The following SOX6 variants were observed in gnomAD, a reference collection of about 807,000 sequenced individuals.
The protein encoded by SOX6 is SRY-box transcription factor 6.
In SOX6, 11 loss-of-function variants were observed where a neutral mutation model predicts 97.8. The observed-to-expected ratio is 0.11, with a 90% CI of 0.07 to 0.19. The LOEUF is 0.19. Among genes scored for constraint, SOX6 ranks in the 10% least tolerant of loss-of-function variants. The pLI, the probability that SOX6 is intolerant of heterozygous loss-of-function variation, is 1.00. For synonymous variants in SOX6, 360 were observed against 371.4 expected (o/e 0.97, Z 0.35); for missense variants, 810 against 1,039.5 (o/e 0.78, Z 3.04).
intron 1 of SOX6, among the ~76,000 whole-genome samples, chr11:16,423,714 G>A (rs184298673): frequency 2.0e-5 from 3 of 152,080 alleles, no homozygotes; most frequent in African/African-American, 7.2e-5. Context: ...TAAAAATATA[G>A]AGTTAAACAG....
At chr11:16,111,517 AG>A (rs1191145161) in intron 7 of SOX6, among the ~76,000 whole-genome samples, 1 of 152,222 alleles carries the variant, frequency 6.6e-6, no homozygotes, top group Non-Finnish European at 1.5e-5. Context: ...TCACAGTAAA[AG>A]TATGAGAGAG....
intron 12 of SOX6, among the ~76,000 whole-genome samples, chr11:16,023,725 A>G (rs1192921209): frequency 1.3e-5 from 2 of 152,178 alleles, no homozygotes; most frequent in Non-Finnish European, 1.5e-5. Context: ...TTAATTAAAA[A>G]GGCCAATCTC....
chr11:16,391,676 AT>A (rs1403716141), intron 1 of SOX6, among the ~76,000 whole-genome samples: 2 of 152,172 alleles, frequency 1.3e-5, no homozygotes, highest in African/African-American at 4.8e-5. Context: ...AGCAATACAA[AT>A]AACATATAAG....
chr11:16,006,464 A>C (rs12577378), intron 13 of SOX6, among the ~76,000 whole-genome samples: 11,319 of 152,086 alleles, frequency 0.074, 871 homozygotes, highest in East Asian at 0.36. Context: ...GGCTTAGTGG[A>C]GAAGACAAAG....
chr11:16,723,129 G>A (rs1848279112), intron 2 of SOX6, among the ~76,000 whole-genome samples: 1 of 152,098 alleles, frequency 6.6e-6, no homozygotes, highest in African/African-American at 2.4e-5. Flanking sequence ...TATACACCAT[G>A]GAATACTATG....
intron 6 of SOX6, among the ~76,000 whole-genome samples, chr11:16,160,734 T>C (rs1279307369): frequency 6.6e-6 from 1 of 152,194 alleles, no homozygotes; most frequent in Admixed American, 6.5e-5. Flanking sequence ...CTTCTAAATT[T>C]TTCTTCTTTC....
At chr11:16,736,125 T>C (rs1848389624) in intron 2 of SOX6, among the ~76,000 whole-genome samples, 3 of 152,190 alleles carry the variant, frequency 2.0e-5, no homozygotes, top group Admixed American at 6.5e-5. Context: ...ATTTCATCCT[T>C]CCTATATTAA....
At chr11:16,163,530 C>G (rs912488318) in intron 6 of SOX6, among the ~76,000 whole-genome samples, 1 of 152,220 alleles carries the variant, frequency 6.6e-6, no homozygotes, top group Admixed American at 6.5e-5. Flanking sequence ...ACCAGGCTTT[C>G]TCAGCCAATA....
intron 1 of SOX6, among the ~76,000 whole-genome samples, chr11:16,396,901 C>A (rs1296196038): frequency 2.0e-5 from 3 of 151,394 alleles, no homozygotes; most frequent in Non-Finnish European, 1.5e-5. Context: ...TTGCAATTCA[C>A]AAATACCATA....
intron 4 of SOX6, among the ~76,000 whole-genome samples, chr11:16,571,101 T>C (rs1847933580): frequency 6.6e-6 from 1 of 152,202 alleles, no homozygotes; most frequent in Admixed American, 6.5e-5. Flanking sequence ...TTAGAATATT[T>C]TTCATACTTG....
chr11:16,638,477 C>T (rs1262596916), intron 3 of SOX6, among the ~76,000 whole-genome samples: 1 of 152,076 alleles, frequency 6.6e-6, no homozygotes, highest in African/African-American at 2.4e-5. Context: ...AGTTCTAGAT[C>T]CCTGAGGAAT....
chr11:15,974,350 T>A (rs1227984770), intron 15 of SOX6, among the ~76,000 whole-genome samples: 1 of 146,974 alleles, frequency 6.8e-6, no homozygotes, highest in East Asian at 2.5e-4. Context: ...CTGCCATTCT[T>A]TTTTTTGTTT....
intron 4 of SOX6, among the ~76,000 whole-genome samples, chr11:16,600,403 A>G (rs1418589507): frequency 6.6e-6 from 1 of 152,210 alleles, no homozygotes; most frequent in Non-Finnish European, 1.5e-5. Flanking sequence ...GGATATTTTG[A>G]GCAAAGATAT....
intron 1 of SOX6, among the ~76,000 whole-genome samples, chr11:16,415,989 G>A (rs1204495428): frequency 6.6e-6 from 1 of 152,098 alleles, no homozygotes; most frequent in Non-Finnish European, 1.5e-5. Flanking sequence ...ACAAGGGATT[G>A]GTCCCAATAT....
At chr11:16,592,056 T>G (rs1406720549) in intron 4 of SOX6, among the ~76,000 whole-genome samples, 1 of 152,082 alleles carries the variant, frequency 6.6e-6, no homozygotes, top group Non-Finnish European at 1.5e-5. Flanking sequence ...TCTCTTTCTT[T>G]TCTATATCTA....
Position 16,680,658 on chromosome 11 carries a change from A to C in SOX6, n.429+34172T>G, listed in dbSNP as rs548591260. Among the ~76,000 whole-genome samples, 31 of 152,344 alleles carry C rather than the reference A, an allele frequency of 2.0e-4. No individual in the cohort carries two copies. The South Asian group carries it at 6.2e-3, about 31-fold the overall frequency. ...TAAATGCCCCAAATAAAAGACACAG[A>C]CTGGCAAATTGGATAAAGAGTCAAG... On this transcript the variant is annotated intron_variant and non_coding_transcript_variant, in intron 3 of 5. Transcript: ENST00000524520.
chr11:16,430,585 C>T (rs1503452), intron 1 of SOX6, among the ~76,000 whole-genome samples: 47,421 of 152,038 alleles, frequency 0.31, 8,351 homozygotes, highest in Non-Finnish European at 0.4. Flanking sequence ...CCCTTTCCTC[C>T]TTGTGAGGTC....
chr11:16,430,835 G>T (rs1859258293), intron 1 of SOX6, among the ~76,000 whole-genome samples: 1 of 152,172 alleles, frequency 6.6e-6, no homozygotes, highest in Non-Finnish European at 1.5e-5. Flanking sequence ...TTTTAACACG[G>T]AAGTCAGACC....
intron 4 of SOX6, among the ~76,000 whole-genome samples, chr11:16,531,924 G>T (rs948749148): frequency 8.6e-5 from 13 of 151,702 alleles, no homozygotes; most frequent in African/African-American, 2.9e-4. Context: ...TATTTCTTCT[G>T]ATTTTTTGGT....
Sources: gnomAD v4.1 joint callset for allele counts (sites outside exome capture counted in the v4.1 genomes callset) on GRCh38, gnomAD v4.1.1 for gene constraint, MANE v1.5 for transcripts, NCBI Gene and HGNC (gene_info 2026-07-23, HGNC 2026-07-21) for gene names.